The following BUB1B variants were observed in gnomAD, a reference collection of about 807,000 sequenced individuals.
BUB1B encodes the protein mitotic checkpoint serine/threonine-protein kinase BUB1 beta.
A neutral mutation model predicts 137.7 loss-of-function variants in BUB1B; 86 were observed. The ratio of observed to expected loss-of-function variants is 0.62; its 90% confidence interval spans 0.52 to 0.75. The LOEUF (loss-of-function observed/expected upper bound fraction) is 0.75. BUB1B is among the 30% of genes least tolerant of loss of function. The probability of loss-of-function intolerance (pLI) is 0.00; values close to 1 mark genes in which losing one functional copy is unlikely to be tolerated. For synonymous variants in BUB1B, 420 were observed against 417.9 expected, an observed-to-expected ratio of 1.00 and a Z score of -0.06; for missense variants, 1,130 against 1,236.9, an observed-to-expected ratio of 0.91 and a Z score of 1.30.
chr15:40,164,523 C>T (rs761121997), intron 1 of BUB1B, among the ~76,000 whole-genome samples: 13 of 152,060 alleles, frequency 8.5e-5, no homozygotes, highest in East Asian at 1.9e-4. Context: ...CTACCACATC[C>T]GGCACTAATT....
chr15:40,217,463 TTTA>T, intron 20 of BUB1B, 30 bp from the exon 21 acceptor site: 1 of 1,611,366 alleles, frequency 6.2e-7, no homozygotes, highest in South Asian at 1.1e-5. Flanking sequence ...ATGGCCTATT[TTTA>T]TTATCTCCTT....
chr15:40,198,041 T>C (rs1314949921), intron 9 of BUB1B, among the ~76,000 whole-genome samples: 1 of 152,050 alleles, frequency 6.6e-6, no homozygotes, highest in Non-Finnish European at 1.5e-5. Flanking sequence ...GCACAGTGGC[T>C]CACACCTGTA....
chr15:40,200,015 A>G lies in BUB1B; in HGVS notation c.1402-229A>G, dbSNP rs2037545287. The G allele has an allele frequency of 5.1e-6, 3 of 593,500 alleles. No individual in the cohort carries two copies. The South Asian group carries it at 6.0e-5, about 12-fold the overall frequency. The allele number at this position is 593,500 out of a possible 1,614,324, so 36.8% of individuals were successfully genotyped here. On this transcript the variant is annotated intron_variant, in intron 10 of 22. Transcript: ENST00000287598. The stretch of plus-strand genomic sequence containing the variant: ...TTTTATTCTAGCTATGTTCCATTAA[A>G]ATGGGATTGCCTAAAGAAATTTAGT...
intron 2 of BUB1B, 139 bp downstream of exon 2, chr15:40,165,335 T>C (rs1043767734): frequency 6.4e-6 from 7 of 1,093,122 alleles, no homozygotes; most frequent in Non-Finnish European, 9.5e-6. Context: ...CTACCTGCTT[T>C]CGTATCACAT....
chr15:40,193,505 G>T (rs1423210439), intron 8 of BUB1B, among the ~76,000 whole-genome samples: 1 of 117,130 alleles, frequency 8.5e-6, no homozygotes, highest in Non-Finnish European at 1.6e-5. Flanking sequence ...CTTAGAGACA[G>T]TGTCTCACTC....
Position 40,187,130 on chromosome 15 carries a change from A to ATT in BUB1B, c.1058+1500_1058+1501dup, listed in dbSNP as rs11446094. 1.8e-3 allele frequency: 252 copies of ATT among 143,838 alleles called. 1 individual carries two copies. Among genetic ancestry groups the ATT allele is most frequent in the South Asian group, 3.6e-3 (16 of 4,446 alleles). The allele number at this position is 143,838 out of a possible 1,614,324, so 8.9% of individuals were successfully genotyped here. A position where few individuals can be genotyped will look rare whatever the true frequency, so the allele number is the denominator to read the frequency against. On this transcript the variant is annotated intron_variant, in intron 8 of 22. Coordinates refer to ENST00000287598, the MANE Select transcript of BUB1B (RefSeq NM_001211.6). ...GCAAAAACCTGACCCTACAAAACAA[A>ATT]TTTTTTTTTTTTTGAGACGGAGTCT... is the stretch of plus-strand genomic sequence containing the variant.
At chr15:40,188,170 C>G (rs1020449493) in intron 8 of BUB1B, among the ~76,000 whole-genome samples, 2 of 152,118 alleles carry the variant, frequency 1.3e-5, no homozygotes, top group African/African-American at 4.8e-5. Flanking sequence ...GCCTCAGCCT[C>G]CTGAGTAGCT....
At chr15:40,169,228 C>T (rs2037133650) in intron 2 of BUB1B, among the ~76,000 whole-genome samples, 1 of 152,016 alleles carries the variant, frequency 6.6e-6, no homozygotes, top group African/African-American at 2.4e-5. Flanking sequence ...AGGTATTCTC[C>T]AAATTATTTA....
intron 14 of BUB1B, among the ~76,000 whole-genome samples, chr15:40,204,382 T>C (rs868427727): frequency 2.0e-5 from 3 of 151,814 alleles, no homozygotes; most frequent in African/African-American, 7.2e-5. Flanking sequence ...ATACAGTGGT[T>C]CTAGATTCAG....
At chr15:40,188,224 T>C (rs1263520333) in intron 8 of BUB1B, among the ~76,000 whole-genome samples, 3 of 152,050 alleles carry the variant, frequency 2.0e-5, no homozygotes, top group Non-Finnish European at 4.4e-5. Flanking sequence ...ATTTTTGTAT[T>C]TTTAGTAGAG....
chr15:40,186,530 T>C (rs911712112), intron 8 of BUB1B, among the ~76,000 whole-genome samples: 2 of 146,114 alleles, frequency 1.4e-5, no homozygotes, highest in South Asian at 2.2e-4. Context: ...CTGGAAGCTC[T>C]GCCTCCCAGG....
intron 8 of BUB1B, among the ~76,000 whole-genome samples, chr15:40,192,841 G>A (rs1000346553): frequency 4.6e-5 from 7 of 152,098 alleles, no homozygotes; most frequent in African/African-American, 7.2e-5. Flanking sequence ...ATAAGGTTGC[G>A]GTAGACATTC....
chr15:40,168,296 G>A (rs1201214179), intron 2 of BUB1B, among the ~76,000 whole-genome samples: 1 of 152,128 alleles, frequency 6.6e-6, no homozygotes, highest in Non-Finnish European at 1.5e-5. Flanking sequence ...GAACCTAGGA[G>A]GTGGAGGTTG....
chr15:40,212,686 TAG>T (rs778283516), intron 19 of BUB1B, 38 bp downstream of exon 19: 2 of 1,589,188 alleles, frequency 1.3e-6, no homozygotes, highest in Non-Finnish European at 1.7e-6. Flanking sequence ...AGTCCTGAAG[TAG>T]AGAGATTTGT....
At chr15:40,167,483 C>A (rs1232162940) in intron 2 of BUB1B, among the ~76,000 whole-genome samples, 1 of 150,684 alleles carries the variant, frequency 6.6e-6, no homozygotes, top group African/African-American at 2.4e-5. Context: ...GCTGGGATTA[C>A]AGGCACGCAC....
At chr15:40,204,894 C>G (rs574606377) in intron 14 of BUB1B, among the ~76,000 whole-genome samples, 11 of 151,640 alleles carry the variant, frequency 7.3e-5, no homozygotes, top group African/African-American at 2.4e-4. Flanking sequence ...CCTCAGCCTG[C>G]CTCCCAAAGT....
At chr15:40,181,981 A>G (rs536879747) in intron 5 of BUB1B, among the ~76,000 whole-genome samples, 16 of 152,366 alleles carry the variant, frequency 1.1e-4, no homozygotes, top group African/African-American at 3.8e-4. Flanking sequence ...AGGCGGGGGA[A>G]TCACTTGAGG....
In BUB1B at chr15:40,181,516, A is replaced by G. The variant is rs2037293656; in HGVS notation, c.582-2198A>G. Among the ~76,000 whole-genome samples the G allele has an allele frequency of 1.3e-5, 2 of 151,994 alleles. 1 individual carries two copies. The highest frequency in any genetic ancestry group is 1.3e-4 in the Admixed American group (2 of 15,262). On this transcript the variant is annotated intron_variant, in intron 5 of 22. Coordinates refer to ENST00000287598, the MANE Select transcript of BUB1B (RefSeq NM_001211.6). Reference sequence around the variant, plus strand: ...TTTAAAATGATTTTTTATACCTATTATCTCTTTCTTCTTTCTCTCTCTGAG... The same window carrying G: ...TTTAAAATGATTTTTTATACCTATTGTCTCTTTCTTCTTTCTCTCTCTGAG...
At chr15:40,184,030 T>C (rs1214246211) in intron 6 of BUB1B, 147 bp downstream of exon 6, 1 of 826,212 alleles carries the variant, frequency 1.2e-6, no homozygotes, top group Non-Finnish European at 1.9e-6. Flanking sequence ...AGAGCTAATA[T>C]TACAGTGTGC....
Sources: allele counts gnomAD v4.1 joint callset (sites outside exome capture counted in the v4.1 genomes callset), GRCh38; gene constraint gnomAD v4.1.1; transcripts MANE v1.5; gene names NCBI Gene and HGNC (gene_info 2026-07-23, HGNC 2026-07-21).